Variants in CFAP47 observed in about 807,000 individuals in gnomAD.
CFAP47 encodes cilia- and flagella-associated protein 47.
Under a neutral mutation model 148.1 loss-of-function variants are expected in CFAP47, and 29 were observed. The observed-to-expected ratio is 0.20, with a 90% CI of 0.15 to 0.27. The LOEUF (loss-of-function observed/expected upper bound fraction) is 0.27, where lower values mean the gene tolerates loss of function less well. Ranked by LOEUF, CFAP47 falls within the 10% of genes least tolerant of loss-of-function variation. The probability of loss-of-function intolerance (pLI) is 1.00; values close to 1 mark genes in which losing one functional copy is unlikely to be tolerated. For synonymous variants in CFAP47, 664 were observed against 577.3 expected, an observed-to-expected ratio of 1.15 and a Z score of -2.15; for missense variants, 1,872 against 1,697.5, an observed-to-expected ratio of 1.10 and a Z score of -1.81.
At chrX:36,130,913 T>A (rs191293044) in intron 33 of CFAP47, among the ~76,000 whole-genome samples, 26 of 110,921 alleles carry the variant, frequency 2.3e-4, no homozygotes, top group African/African-American at 8.1e-4. Flanking sequence ...AGAAGAATGG[T>A]TACCATGGAC....
chrX:36,356,852 C>T (rs782248564), intron 60 of CFAP47, among the ~76,000 whole-genome samples: 18 of 111,785 alleles, frequency 1.6e-4, no homozygotes, highest in Non-Finnish European at 3.0e-4. Flanking sequence ...TGTCTTCTCT[C>T]ATCTGAGTTT....
chrX:36,384,700 A>G (rs985285238), intron 63 of CFAP47, 97 bp from the exon 64 acceptor site: 14 of 588,029 alleles, frequency 2.4e-5, no homozygotes, highest in Admixed American at 9.1e-5. Context: ...CATACTCTAC[A>G]TGGAGAACAG....
At chrX:36,177,109 G>A (rs1233067900) in intron 39 of CFAP47, among the ~76,000 whole-genome samples, 1 of 111,647 alleles carries the variant, frequency 9.0e-6, no homozygotes, top group African/African-American at 3.3e-5. Context: ...AGAAACTGCA[G>A]TTATCAAGTA....
intron 39 of CFAP47, among the ~76,000 whole-genome samples, chrX:36,171,922 A>G (rs1480943777): frequency 9.2e-6 from 1 of 108,951 alleles, no homozygotes; most frequent in Non-Finnish European, 1.9e-5. Context: ...GATTCTTCCT[A>G]CCCATGAGCA....
chrX:36,258,699 TAA>T (rs1555999475), intron 49 of CFAP47, among the ~76,000 whole-genome samples: 1 of 111,940 alleles, frequency 8.9e-6, no homozygotes, highest in Admixed American at 9.5e-5. Flanking sequence ...GTTGCATAAA[TAA>T]AAGACTCTGG....
At chrX:36,212,016 C>G (rs1243023185) in intron 45 of CFAP47, among the ~76,000 whole-genome samples, 2 of 111,264 alleles carry the variant, frequency 1.8e-5, no homozygotes, top group African/African-American at 6.5e-5. Flanking sequence ...CGTTAGTGCA[C>G]AGCACAAATT....
intron 40 of CFAP47, among the ~76,000 whole-genome samples, chrX:36,181,009 T>G (rs1321851580): frequency 1.8e-5 from 2 of 112,223 alleles, no homozygotes; most frequent in Non-Finnish European, 3.8e-5. Context: ...AGCCCCTTGA[T>G]TCTTCTTGAT....
At chrX:36,040,842 C>T (rs962373489) in intron 25 of CFAP47, among the ~76,000 whole-genome samples, 5 of 111,412 alleles carry the variant, frequency 4.5e-5, no homozygotes, top group Non-Finnish European at 9.4e-5. Flanking sequence ...GAAAACTAAA[C>T]GTAAAACAGC....
chrX:36,114,505 C>T (rs1203866772), intron 33 of CFAP47, among the ~76,000 whole-genome samples: 1 of 111,656 alleles, frequency 9.0e-6, no homozygotes, highest in Non-Finnish European at 1.9e-5. Flanking sequence ...GAGTGGCTCA[C>T]CTTTGGGTGT....
chrX:36,061,202 C>A (rs1937591071), intron 26 of CFAP47, among the ~76,000 whole-genome samples: 2 of 111,138 alleles, frequency 1.8e-5, no homozygotes, highest in Admixed American at 1.9e-4. Context: ...CCTGCTTCCT[C>A]TTCACCTTCT....
intron 1 of CFAP47, among the ~76,000 whole-genome samples, chrX:35,923,890 T>A (rs944939529): frequency 1.1e-5 from 1 of 88,463 alleles, no homozygotes; most frequent in Non-Finnish European, 2.0e-5. Flanking sequence ...TGTACATATA[T>A]ATGTGTATAT....
At position 36,123,400 on chromosome X, in the gene CFAP47, T is replaced by C. The variant is rs777633441; in HGVS notation, c.5321-14558T>C. ...GGTGAGTTCCCCCAGGTCCCAAGTG[T>C]GTCCAGGGGTGCTGTTCAACAGCCA... On this transcript the variant is annotated intron_variant, in intron 33 of 63. Transcript: ENST00000378653. 8.9e-5 allele frequency among the ~76,000 whole-genome samples: 10 copies of C among 112,174 alleles called. No homozygotes were observed. In the South Asian group the frequency reaches 3.7e-3, roughly 42 times the overall value.
At chrX:36,357,892 A>G (rs1199153888) in intron 60 of CFAP47, among the ~76,000 whole-genome samples, 1 of 110,940 alleles carries the variant, frequency 9.0e-6, no homozygotes, top group Non-Finnish European at 1.9e-5. Flanking sequence ...TTTTTCTTTG[A>G]TTAATCTGTT....
chrX:36,294,504 G>T (rs1277986928), intron 51 of CFAP47, among the ~76,000 whole-genome samples: 2 of 110,772 alleles, frequency 1.8e-5, no homozygotes, highest in African/African-American at 6.6e-5. Context: ...AGGTCAGGAG[G>T]TCGAGACCAT....
intron 48 of CFAP47, among the ~76,000 whole-genome samples, chrX:36,244,738 A>C (rs1940594145): frequency 9.0e-6 from 1 of 110,915 alleles, no homozygotes; most frequent in Non-Finnish European, 1.9e-5. Flanking sequence ...AGTAATAAAA[A>C]CCCCTACCAA....
intron 26 of CFAP47, among the ~76,000 whole-genome samples, chrX:36,055,190 G>T (rs1177075480): frequency 9.2e-6 from 1 of 109,277 alleles, no homozygotes; most frequent in Admixed American, 9.9e-5. Context: ...AATTTCAGGG[G>T]TACATGTGCA....
At chrX:35,923,365 G>A (rs1230207054) in intron 1 of CFAP47, among the ~76,000 whole-genome samples, 1 of 111,511 alleles carries the variant, frequency 9.0e-6, no homozygotes, top group Non-Finnish European at 1.9e-5. Context: ...CATTATAAAT[G>A]CATAATAGAT....
intron 57 of CFAP47, among the ~76,000 whole-genome samples, chrX:36,335,963 A>G (rs1353504383): frequency 9.0e-6 from 1 of 111,256 alleles, no homozygotes; most frequent in African/African-American, 3.3e-5. Flanking sequence ...AAAACTGTAA[A>G]GGATAAAGAC....
intron 45 of CFAP47, among the ~76,000 whole-genome samples, chrX:36,224,693 A>G (rs1309902821): frequency 8.9e-6 from 1 of 111,906 alleles, no homozygotes; most frequent in Non-Finnish European, 1.9e-5. Flanking sequence ...GCTGAGATCC[A>G]AAGACCACAG....
Sources: allele counts gnomAD v4.1 joint callset (sites outside exome capture counted in the v4.1 genomes callset), GRCh38; gene constraint gnomAD v4.1.1; transcripts MANE v1.5; gene names NCBI Gene and HGNC (gene_info 2026-07-23, HGNC 2026-07-21).